Variants in ASH2L observed in about 807,000 individuals in gnomAD.
The protein encoded by ASH2L is ASH2 like, histone lysine methyltransferase complex subunit.
Under a neutral mutation model 81.1 loss-of-function variants are expected in ASH2L, and 30 were observed. The observed-to-expected ratio is 0.37, with a 90% CI of 0.28 to 0.50. The LOEUF (loss-of-function observed/expected upper bound fraction) is 0.50, where lower values mean the gene tolerates loss of function less well. Among genes scored for constraint, ASH2L ranks in the 20% least tolerant of loss-of-function variants. ASH2L has a pLI of 0.95. For synonymous variants in ASH2L, 273 were observed against 279.9 expected, an observed-to-expected ratio of 0.98 and a Z score of 0.24; for missense variants, 559 against 792.1, an observed-to-expected ratio of 0.71 and a Z score of 3.53.
In ASH2L at chr8:38,110,483, G is replaced by T; in HGVS notation, c.490+16G>T. 6.2e-7 allele frequency: 1 copy of T among 1,601,090 alleles called. No homozygotes were observed. Among genetic ancestry groups the T allele is most frequent in the Non-Finnish European group, 8.6e-7 (1 of 1,168,412 alleles). ...AAGCAAGCAAGTAAGAACAAACTCT[G>T]GAGTATTTGAAGATGATTATCCACT... On this transcript the variant is annotated intron_variant, in intron 4 of 15. Coordinates refer to ENST00000343823, the MANE Select transcript of ASH2L (RefSeq NM_004674.5).
rs199684478 is a variant in ASH2L, at chr8:38,105,603, C to T, written c.53C>T (p.Pro18Leu). ...CAGGAAGCGGGTGCCGGGCCTGGCC[C>T]AGGAGCGGTCGCAAATGCAACAGGG... Reference protein sequence around the residue: ...PGQEAGAGPGPGAVANATGAE... With the variant: ...PGQEAGAGPGLGAVANATGAE... The change falls in exon 1 of 16, where the codon CCA (proline) becomes CTA (leucine). Residue 18 changes from proline (P) to leucine (L), a missense_variant. Pro to Leu is a moderately conservative substitution (Grantham distance 98). This residue lies in a region of ASH2L where 145 missense variants were observed against 115.5 expected (regional missense o/e 1.26). Coordinates refer to ENST00000343823, the MANE Select transcript of ASH2L (RefSeq NM_004674.5). 196 of 1,600,442 alleles carry T rather than the reference C, an allele frequency of 1.2e-4. 2 individuals carry two copies. In the East Asian group the frequency reaches 4.4e-3, roughly 36 times the overall value.
Position 38,130,227 on chromosome 8 carries a change from CTT to C in ASH2L, c.1527+1294_1527+1295del, listed in dbSNP as rs71216650. On this transcript the variant is annotated intron_variant, in intron 12 of 15. Transcript: ENST00000343823. ...ATTGCTATTCTGAGACTTCTCTGTT[CTT>C]TTTTTTTTTTTTTTTTTAAGTTTAA... Among the ~76,000 whole-genome samples, 569 of 86,242 alleles carry C rather than the reference CTT, an allele frequency of 6.6e-3. 1 individual carries two copies. The highest frequency in any genetic ancestry group is 0.015 in the African/African-American group (329 of 21,472). 56.6% of individuals were successfully genotyped at this position (86,242 alleles called of 152,430 possible). A position where few individuals can be genotyped will look rare whatever the true frequency, so the allele number is the denominator to read the frequency against.
At chr8:38,126,802 A>G in intron 10 of ASH2L, among the ~76,000 whole-genome samples, 1 of 147,762 alleles carries the variant, frequency 6.8e-6, no homozygotes, top group Middle Eastern at 3.4e-3. Flanking sequence ...TGCAGTGAGC[A>G]GAGATCGCGC....
intron 12 of ASH2L, among the ~76,000 whole-genome samples, chr8:38,132,668 A>G (rs1189801797): frequency 6.6e-6 from 1 of 151,824 alleles, no homozygotes; most frequent in Non-Finnish European, 1.5e-5. Context: ...GTGTGGTGGC[A>G]CATGCCTGTA....
chr8:38,106,010 G>T (rs113142340), intron 1 of ASH2L: 16 of 1,531,066 alleles, frequency 1.0e-5, no homozygotes, highest in African/African-American at 8.2e-5. Context: ...CACTTTAACG[G>T]GAGGCCTTCA....
Position 38,116,817 on chromosome 8 carries a change from C to G in ASH2L, c.853+92C>G, listed in dbSNP as rs1385957788. 4 of 1,037,180 alleles carry G rather than the reference C, an allele frequency of 3.9e-6. No homozygotes were observed. In the Admixed American group the frequency reaches 1.0e-4, roughly 26 times the overall value. 64.2% of individuals were successfully genotyped at this position (1,037,180 alleles called of 1,614,324 possible). On this transcript the variant is annotated intron_variant, in intron 8 of 15. Transcript: ENST00000343823. ...GGCCATTCTTTGGGTTGACCCTTAA[C>G]CTGGATACTTACTAAAATGCTTTTA...
At chr8:38,117,446 T>G in intron 8 of ASH2L, 1 of 985,434 alleles carries the variant, frequency 1.0e-6, no homozygotes, top group Non-Finnish European at 1.2e-6. Context: ...ACTTCTGTTC[T>G]TACAGGTGGA....
chr8:38,106,234 T>G (rs1321932570), intron 1 of ASH2L, 144 bp from the exon 2 acceptor site: 1 of 1,373,396 alleles, frequency 7.3e-7, no homozygotes, highest in African/African-American at 1.4e-5. Flanking sequence ...TGACAGTACC[T>G]TGGGCATCCA....
chr8:38,106,014 G>A (rs910226590), intron 1 of ASH2L: 1 of 1,530,794 alleles, frequency 6.5e-7, no homozygotes, highest in African/African-American at 1.4e-5. Flanking sequence ...TTAACGGGAG[G>A]CCTTCACATA....
chr8:38,115,005 A>G lies in ASH2L; in HGVS notation c.777+5A>G. ...AAATTTGGACTTTTGGATCAGGTAC[A>G]TTAATATGTTTTACATTTTCTTTTT... is the stretch of plus-strand genomic sequence containing the variant. On this transcript the variant is annotated splice_donor_5th_base_variant and intron_variant, in intron 7 of 15. Transcript: ENST00000343823. 6.4e-7 allele frequency: 1 copy of G among 1,569,914 alleles called. No homozygotes were observed. Among genetic ancestry groups the G allele is most frequent in the Non-Finnish European group, 8.8e-7 (1 of 1,140,068 alleles).
rs752863168 is a variant in ASH2L at position 38,128,752 on chromosome 8, G to A, written c.1334-6G>A. 3 of 1,606,508 alleles carry A rather than the reference G, an allele frequency of 1.9e-6. No individual in the cohort carries two copies. Among genetic ancestry groups the A allele is most frequent in the Non-Finnish European group, 2.5e-6 (3 of 1,178,538 alleles). On this transcript the variant is annotated splice_region_variant and splice_polypyrimidine_tract_variant and intron_variant, in intron 11 of 15. Coordinates refer to ENST00000343823, the MANE Select transcript of ASH2L (RefSeq NM_004674.5). ...TGACTTCCTGTGTATGTTTTTATTG[G>A]GACAGGAAACCTTCAAGCTCCTTTA...
intron 9 of ASH2L, 116 bp from the exon 10 acceptor site, chr8:38,120,816 G>T: frequency 1.3e-6 from 1 of 777,274 alleles, no homozygotes. Context: ...AGAAGTATTT[G>T]CTGTGAAGTT....
intron 10 of ASH2L, among the ~76,000 whole-genome samples, chr8:38,121,355 A>T (rs892561180): frequency 1.4e-5 from 2 of 141,976 alleles, no homozygotes; most frequent in African/African-American, 5.1e-5. Flanking sequence ...ATATATATAT[A>T]TATATATATA....
At chr8:38,134,121 C>G (rs1362469040) in intron 13 of ASH2L, among the ~76,000 whole-genome samples, 1 of 152,138 alleles carries the variant, frequency 6.6e-6, no homozygotes, top group African/African-American at 2.4e-5. Context: ...TGCTTGAAGG[C>G]AGCATGCTCG....
rs1347061030 is a variant in ASH2L at position 38,128,910 on chromosome 8, A to G, written c.1486A>G (p.Thr496Ala). The G allele has an allele frequency of 6.2e-7, 1 of 1,613,810 alleles. No homozygotes were observed. Among genetic ancestry groups the G allele is most frequent in the Admixed American group, 1.7e-5 (1 of 59,958 alleles). Residue 496 changes from threonine to alanine, a missense_variant, in exon 12 of 16, where the codon ACA (threonine) becomes GCA (alanine). By Grantham distance (58) the Thr-to-Ala change is moderately conservative (BLOSUM62 0). Around this residue, in one of 4 missense-constraint regions of ASH2L, gnomAD observed 318 missense variants for 527.0 expected, o/e 0.60. Transcript: ENST00000343823. ...ATTTTATATTAATCTTCCTGAAGAC[A>G]CAGAGACAGCCAAGTCATTGCCAGA... is the stretch of plus-strand genomic sequence containing the variant. ...LGFYINLPED[T>A]ETAKSLPDTY...
At chr8:38,115,119 A>G (rs1159035752) in intron 7 of ASH2L, 119 bp downstream of exon 7, 3 of 662,460 alleles carry the variant, frequency 4.5e-6, no homozygotes, top group African/African-American at 1.8e-5. Context: ...TGCACATAGC[A>G]TGGTGGACTC....
Position 38,110,482 on chromosome 8 carries a change from T to C in ASH2L, c.490+15T>C. 2.5e-6 allele frequency: 4 copies of C among 1,600,476 alleles called. No individual in the cohort carries two copies. The South Asian group carries it at 4.4e-5, about 18-fold the overall frequency. ...GAAGCAAGCAAGTAAGAACAAACTC[T>C]GGAGTATTTGAAGATGATTATCCAC... On this transcript the variant is annotated intron_variant, in intron 4 of 15. Transcript: ENST00000343823.
intron 12 of ASH2L, among the ~76,000 whole-genome samples, chr8:38,129,913 A>C (rs936846190): frequency 2.0e-5 from 3 of 152,228 alleles, no homozygotes; most frequent in African/African-American, 7.2e-5. Flanking sequence ...ACTATGAGCA[A>C]GATGCTATGA....
At chr8:38,121,279 C>CT in intron 10 of ASH2L, 130 bp downstream of exon 10, 1 of 644,882 alleles carries the variant, frequency 1.6e-6, no homozygotes, top group Non-Finnish European at 2.5e-6. Flanking sequence ...TGTCTAGATT[C>CT]ATCCAGAATG....
Sources: allele counts gnomAD v4.1 joint callset (sites outside exome capture counted in the v4.1 genomes callset), GRCh38; gene constraint gnomAD v4.1.1; regional missense constraint gnomAD v4.1.1; transcripts MANE v1.5; gene names NCBI Gene and HGNC (gene_info 2026-07-23, HGNC 2026-07-21).